TECTA: variants seen among roughly 807,000 people sequenced by gnomAD.
TECTA encodes the protein tectorin alpha, also known as alpha-tectorin.
TECTA carries 128 observed loss-of-function variants against 216.8 expected under a neutral mutation model. The observed-to-expected ratio is 0.59, with a 90% CI of 0.51 to 0.68. The LOEUF (loss-of-function observed/expected upper bound fraction) is 0.68. TECTA is among the 30% of genes least tolerant of loss of function. The pLI is 0.00. For missense variants in TECTA, 2,551 were observed against 2,786.2 expected (o/e 0.92, Z 1.90); for synonymous variants, 1,089 against 1,117.1 (o/e 0.97, Z 0.50).
intron 13 of TECTA, among the ~76,000 whole-genome samples, chr11:121,153,376 G>A (rs906472157): frequency 1.3e-5 from 2 of 152,194 alleles, no homozygotes; most frequent in Non-Finnish European, 2.9e-5. Flanking sequence ...TCTGTGTCGT[G>A]CCTTTCTCTG....
intron 2 of TECTA, among the ~76,000 whole-genome samples, chr11:121,104,998 C>T (rs1946378671): frequency 6.6e-6 from 1 of 152,160 alleles, no homozygotes; most frequent in South Asian, 2.1e-4. Flanking sequence ...GATGCAGACC[C>T]TAGGGAACTT....
intron 12 of TECTA, among the ~76,000 whole-genome samples, chr11:121,147,457 C>T (rs750087877): frequency 1.3e-5 from 2 of 152,258 alleles, no homozygotes; most frequent in Admixed American, 1.3e-4. Context: ...GGCTCAGTCC[C>T]TGAGTGGGTG....
In TECTA at chr11:121,118,707, G is replaced by A; in HGVS notation, c.1192G>A (p.Gly398Arg). The A allele has an allele frequency of 6.2e-7, 1 of 1,613,712 alleles. No individual in the cohort carries two copies. Among genetic ancestry groups the A allele is most frequent in the South Asian group, 1.1e-5 (1 of 91,062 alleles). Reference protein sequence around the residue: ...YKILIPKGSYGRVKVNDLVTS... With the variant: ...YKILIPKGSYRRVKVNDLVTS... ...GATTCTCATCCCCAAAGGAAGCTAT[G>A]GAAGAGTCAAGGTGAGCCCCTTTCT... The change falls in exon 7 of 24, where the codon GGA (glycine) becomes AGA (arginine). Residue 398 changes from glycine to arginine, a missense_variant. By Grantham distance (125) the Gly-to-Arg change is moderately radical. Around this residue, in one of 3 missense-constraint regions of TECTA, gnomAD observed 2,375 missense variants for 2,563.9 expected, o/e 0.93. Coordinates refer to ENST00000392793, the MANE Select transcript of TECTA (RefSeq NM_005422.4).
At chr11:121,156,600 T>C (rs1946943297) in intron 13 of TECTA, among the ~76,000 whole-genome samples, 1 of 152,090 alleles carries the variant, frequency 6.6e-6, no homozygotes, top group Non-Finnish European at 1.5e-5. Flanking sequence ...CACCTCAGCC[T>C]CCCAAAGTGC....
chr11:121,167,956 A>G, intron 18 of TECTA, 98 bp from the exon 19 acceptor site: 1 of 1,408,460 alleles, frequency 7.1e-7, no homozygotes, highest in Non-Finnish European at 1.0e-6. Context: ...TATGTATGGA[A>G]GGAAGCCATT....
At position 121,113,730 on chromosome 11, in the gene TECTA, CCT is replaced by C. The variant is rs1565518290; in HGVS notation, c.790+15_790+16del. ...CTGCACCTCAAGGGGTAAAGCTTTT[CCT>C]CTGTCTGTGGCAAGGCAGGGTTTGT... On this transcript the variant is annotated intron_variant, in intron 6 of 23. Coordinates refer to ENST00000392793, the MANE Select transcript of TECTA (RefSeq NM_005422.4). The surrounding 1 kb of genome is among the most constrained non-coding windows in gnomAD (Gnocchi z 4.2). The C allele has an allele frequency of 6.2e-7, 1 of 1,612,840 alleles. No individual in the cohort carries two copies. Among genetic ancestry groups the C allele is most frequent in the South Asian group, 1.1e-5 (1 of 91,010 alleles).
intron 12 of TECTA, among the ~76,000 whole-genome samples, chr11:121,148,369 G>A (rs1326622798): frequency 6.6e-6 from 1 of 152,086 alleles, no homozygotes. Flanking sequence ...GGAGATGGTG[G>A]TAATGAATGG....
chr11:121,146,212 T>C (rs970665796), intron 12 of TECTA, 96 bp downstream of exon 12: 24 of 1,447,960 alleles, frequency 1.7e-5, no homozygotes, highest in Non-Finnish European at 2.2e-5. Context: ...CAGAGCAAAT[T>C]GAGTAGCAAT....
In TECTA at chr11:121,140,682, C is replaced by T. The variant is rs551773208; in HGVS notation, c.3543+2660C>T. 3.9e-5 allele frequency among the ~76,000 whole-genome samples: 6 copies of T among 152,272 alleles called. No homozygotes were observed. In the East Asian group the frequency reaches 7.7e-4, roughly 20 times the overall value. On this transcript the variant is annotated intron_variant, in intron 11 of 23. Transcript: ENST00000392793. ...CCCCTGCCTCTCTCCTAGCTTCTGG[C>T]GGCTGTGGGCAATCCTCAATGTTCG...
intron 3 of TECTA, among the ~76,000 whole-genome samples, chr11:121,106,853 C>T (rs1946395440): frequency 6.6e-6 from 1 of 152,210 alleles, no homozygotes; most frequent in Non-Finnish European, 1.5e-5. Context: ...CAGCGTCACA[C>T]AGGCACTCAT....
At chr11:121,171,134 T>A (rs1188894544) in intron 20 of TECTA, among the ~76,000 whole-genome samples, 2 of 152,176 alleles carry the variant, frequency 1.3e-5, no homozygotes, top group Non-Finnish European at 2.9e-5. Context: ...ATAATTTAAT[T>A]CTTCTGCATA....
At chr11:121,164,710 T>C (rs1033661514) in intron 16 of TECTA, among the ~76,000 whole-genome samples, 3 of 152,068 alleles carry the variant, frequency 2.0e-5, no homozygotes, top group Non-Finnish European at 4.4e-5. Flanking sequence ...TAGAAGATCA[T>C]GGGGGAAAGT....
At chr11:121,139,447 T>C (rs1591450158) in intron 11 of TECTA, among the ~76,000 whole-genome samples, 2 of 152,062 alleles carry the variant, frequency 1.3e-5, no homozygotes, top group Non-Finnish European at 2.9e-5. Flanking sequence ...AATCCCAGCA[T>C]TTTGGGAGGC....
intron 20 of TECTA, among the ~76,000 whole-genome samples, chr11:121,172,504 C>T (rs901927369): frequency 1.3e-5 from 2 of 152,182 alleles, no homozygotes; most frequent in African/African-American, 2.4e-5. Context: ...CATGTCCCTA[C>T]AAAGGACATG....
chr11:121,117,731 T>A (rs867951638), intron 6 of TECTA, among the ~76,000 whole-genome samples: 9 of 152,212 alleles, frequency 5.9e-5, no homozygotes, highest in Non-Finnish European at 8.8e-5. Flanking sequence ...TTCATGAGCC[T>A]TTAAATGTGC....
chr11:121,166,271 A>G (rs1488986757), intron 17 of TECTA, among the ~76,000 whole-genome samples: 1 of 152,244 alleles, frequency 6.6e-6, no homozygotes, highest in Non-Finnish European at 1.5e-5. Context: ...CATGTTCAGT[A>G]TGCAGCTTAC....
intron 20 of TECTA, among the ~76,000 whole-genome samples, chr11:121,177,060 C>G (rs1947174779): frequency 6.6e-6 from 1 of 152,180 alleles, no homozygotes; most frequent in Non-Finnish European, 1.5e-5. Context: ...ATTGGTTATT[C>G]TAGTTATACA....
chr11:121,102,603 TG>T, intron 1 of TECTA, 61 bp from the exon 2 acceptor site: 1 of 1,264,186 alleles, frequency 7.9e-7, no homozygotes, highest in Non-Finnish European at 1.2e-6. Flanking sequence ...TAAACACACC[TG>T]GTGTTCTGTT....
chr11:121,140,459 C>T (rs1374914505), intron 11 of TECTA, among the ~76,000 whole-genome samples: 1 of 152,208 alleles, frequency 6.6e-6, no homozygotes, highest in East Asian at 1.9e-4. Context: ...TGGAGAACCA[C>T]ACAGCTGACT....
Sources: gnomAD v4.1 joint callset for allele counts (sites outside exome capture counted in the v4.1 genomes callset) on GRCh38, gnomAD v4.1.1 for gene constraint, gnomAD v4.1.1 regional missense constraint, Gnocchi (gnomAD v3.1) non-coding constraint, MANE v1.5 for transcripts, NCBI Gene and HGNC (gene_info 2026-07-23, HGNC 2026-07-21) for gene names.